The following MACROD2 variants were observed in gnomAD, a reference collection of about 807,000 sequenced individuals.
MACROD2 encodes the protein ADP-ribose glycohydrolase MACROD2.
Under a neutral mutation model 70.4 loss-of-function variants are expected in MACROD2, and 36 were observed. The observed-to-expected ratio is 0.51, with a 90% CI of 0.39 to 0.68. The LOEUF (loss-of-function observed/expected upper bound fraction) is 0.68. Ranked by LOEUF, MACROD2 falls within the 30% of genes least tolerant of loss-of-function variation. MACROD2 has a pLI of 0.00. For synonymous variants in MACROD2, 172 were observed against 178.8 expected (o/e 0.96, Z 0.30); for missense variants, 496 against 538.4 (o/e 0.92, Z 0.78).
chr20:15,324,674 T>C (rs564971645), intron 6 of MACROD2, among the ~76,000 whole-genome samples: 1 of 152,272 alleles, frequency 6.6e-6, no homozygotes, highest in African/African-American at 2.4e-5. Flanking sequence ...TAAAAACACC[T>C]AAATAGAGAC....
chr20:14,888,583 C>A (rs2073710665), intron 5 of MACROD2: 1 of 152,136 alleles, frequency 6.6e-6, no homozygotes, highest in Non-Finnish European at 1.5e-5. Flanking sequence ...GGACATGCAA[C>A]CCAATTAAAT....
intron 4 of MACROD2, among the ~76,000 whole-genome samples, chr20:14,615,230 G>A (rs895421318): frequency 6.6e-6 from 1 of 152,064 alleles, no homozygotes; most frequent in Non-Finnish European, 1.5e-5. Flanking sequence ...CTTGGATGAG[G>A]CATGTTTCTT....
chr20:14,491,876 A>T lies in MACROD2; in HGVS notation c.272-1603A>T, dbSNP rs1294027795. On this transcript the variant is annotated intron_variant, in intron 3 of 17. Coordinates refer to ENST00000684519, the MANE Select transcript of MACROD2 (RefSeq NM_001351661.2). ...CCAGGGAACTGGAAAACCTATAGAT[A>T]GGGAGGTAATTCTCAGTCAAATATG... Among the ~76,000 whole-genome samples the T allele has an allele frequency of 3.3e-5, 5 of 152,318 alleles. No individual in the cohort carries two copies. In the East Asian group the frequency reaches 9.6e-4, roughly 29 times the overall value.
chr20:15,467,994 G>A (rs1028661306), intron 7 of MACROD2, among the ~76,000 whole-genome samples: 5 of 152,150 alleles, frequency 3.3e-5, no homozygotes, highest in African/African-American at 1.2e-4. Context: ...CAGTTAGGTG[G>A]CTATATGTCA....
chr20:14,790,777 A>C (rs1032579718), intron 5 of MACROD2, among the ~76,000 whole-genome samples: 2 of 152,056 alleles, frequency 1.3e-5, no homozygotes, highest in Non-Finnish European at 2.9e-5. Flanking sequence ...TGAATTTGTA[A>C]GTGGAGTTTA....
At chr20:14,870,775 C>G (rs546762848) in intron 5 of MACROD2, among the ~76,000 whole-genome samples, 27 of 151,956 alleles carry the variant, frequency 1.8e-4, no homozygotes, top group East Asian at 1.2e-3. Context: ...ATGTCCTTGC[C>G]CACTTTTTAA....
chr20:14,192,610 T>C (rs1014070962), intron 3 of MACROD2, among the ~76,000 whole-genome samples: 1 of 152,138 alleles, frequency 6.6e-6, no homozygotes, highest in Non-Finnish European at 1.5e-5. Context: ...TTCATGAAGA[T>C]GTGTAGCTGG....
At chr20:14,019,375 G>A (rs758315101) in intron 2 of MACROD2, among the ~76,000 whole-genome samples, 17 of 152,084 alleles carry the variant, frequency 1.1e-4, no homozygotes, top group Non-Finnish European at 1.3e-4. Context: ...GGGTTCAAGC[G>A]TTTCTCCTGT....
At chr20:14,415,763 T>C (rs555179179) in intron 3 of MACROD2, among the ~76,000 whole-genome samples, 4 of 152,282 alleles carry the variant, frequency 2.6e-5, no homozygotes, top group African/African-American at 9.6e-5. Context: ...AATTGAAGTT[T>C]CAGCAACAGG....
intron 8 of MACROD2, among the ~76,000 whole-genome samples, chr20:15,539,868 G>T (rs2047930911): frequency 6.6e-6 from 1 of 152,168 alleles, no homozygotes; most frequent in South Asian, 2.1e-4. Flanking sequence ...GGCGCCTGTA[G>T]TCCCAGCTAC....
At chr20:14,784,033 G>A (rs944483462) in intron 5 of MACROD2, among the ~76,000 whole-genome samples, 1 of 152,092 alleles carries the variant, frequency 6.6e-6, no homozygotes, top group Non-Finnish European at 1.5e-5. Context: ...TCAGGCCTAA[G>A]GGCTCTGAGA....
At chr20:14,612,000 G>A (rs1436993132) in intron 4 of MACROD2, among the ~76,000 whole-genome samples, 2 of 152,108 alleles carry the variant, frequency 1.3e-5, no homozygotes, top group South Asian at 2.1e-4. Context: ...ATATGTGAAA[G>A]GGAGTAGAAA....
intron 13 of MACROD2, among the ~76,000 whole-genome samples, chr20:15,968,796 CGTAT>C (rs1486501299): frequency 2.2e-3 from 108 of 50,222 alleles, no homozygotes; most frequent in Admixed American, 3.1e-3. Context: ...ATATATTATG[CGTAT>C]ATATATATAT....
intron 8 of MACROD2, among the ~76,000 whole-genome samples, chr20:15,654,398 T>G (rs1240023801): frequency 6.6e-6 from 1 of 152,192 alleles, no homozygotes; most frequent in Non-Finnish European, 1.5e-5. Context: ...CTGGCAGGCA[T>G]AAGGCCCAGA....
chr20:14,622,890 C>T (rs1239063445), intron 4 of MACROD2: 3 of 152,062 alleles, frequency 2.0e-5, no homozygotes, highest in Non-Finnish European at 4.4e-5. Context: ...TGGTGGGTAC[C>T]CAGATCCCCC....
intron 4 of MACROD2, among the ~76,000 whole-genome samples, chr20:14,676,256 C>T (rs2070860127): frequency 6.6e-6 from 1 of 152,146 alleles, no homozygotes; most frequent in Non-Finnish European, 1.5e-5. Context: ...TTCTTTTCAG[C>T]ACCACATCAT....
intron 10 of MACROD2, among the ~76,000 whole-genome samples, chr20:15,904,815 A>G (rs1272303799): frequency 6.8e-6 from 1 of 147,908 alleles, no homozygotes; most frequent in Non-Finnish European, 1.5e-5. Context: ...TGGGAGGCGG[A>G]GCTTGCAGTG....
At chr20:14,103,641 G>T (rs893376916) in intron 3 of MACROD2, among the ~76,000 whole-genome samples, 6 of 151,860 alleles carry the variant, frequency 4.0e-5, no homozygotes, top group African/African-American at 1.5e-4. Context: ...TTATGCTTCT[G>T]GTTATTTTAT....
At chr20:15,326,470 G>C (rs1479879405) in intron 6 of MACROD2, among the ~76,000 whole-genome samples, 1 of 151,968 alleles carries the variant, frequency 6.6e-6, no homozygotes, top group Non-Finnish European at 1.5e-5. Context: ...AAGACCTTAT[G>C]TTATTTAAAA....
Sources: allele counts gnomAD v4.1 joint callset (sites outside exome capture counted in the v4.1 genomes callset), GRCh38; gene constraint gnomAD v4.1.1; transcripts MANE v1.5; gene names NCBI Gene and HGNC (gene_info 2026-07-23, HGNC 2026-07-21).